The following ZMYM2 variants were observed in gnomAD, a reference collection of about 807,000 sequenced individuals.
ZMYM2 encodes zinc finger MYM-type protein 2.
Under a neutral mutation model 162.8 loss-of-function variants are expected in ZMYM2, and 56 were observed. The ratio of observed to expected loss-of-function variants is 0.34; its 90% CI spans 0.28 to 0.43. ZMYM2 has a LOEUF of 0.43. Ranked by LOEUF, ZMYM2 falls within the 20% of genes least tolerant of loss-of-function variation. The pLI, the probability that ZMYM2 is intolerant of heterozygous loss-of-function variation, is 1.00. For synonymous variants in ZMYM2, 510 were observed against 541.6 expected (o/e 0.94, Z 0.81); for missense variants, 1,275 against 1,621.8 (o/e 0.79, Z 3.67).
At chr13:20,051,335 A>G (rs1291127717) in intron 12 of ZMYM2, 98 bp from the exon 13 acceptor site, 2 of 1,187,162 alleles carry the variant, frequency 1.7e-6, no homozygotes, top group African/African-American at 3.2e-5. Flanking sequence ...TTTCTGTATC[A>G]GTCACGGTTT....
intron 2 of ZMYM2, among the ~76,000 whole-genome samples, chr13:19,975,158 T>C (rs902914226): frequency 1.5e-5 from 2 of 133,040 alleles, no homozygotes; most frequent in Admixed American, 1.7e-4. Flanking sequence ...TTTTCCCCCA[T>C]ATGGTGTCTT....
chr13:20,074,435 C>A (rs1388267410), intron 21 of ZMYM2, among the ~76,000 whole-genome samples: 1 of 152,028 alleles, frequency 6.6e-6, no homozygotes, highest in African/African-American at 2.4e-5. Context: ...GGGGTTTCGC[C>A]ATGTTGACCA....
chr13:19,951,921 G>A, the ZMYM2 span, among the ~76,000 whole-genome samples: 7 of 152,018 alleles, frequency 4.6e-5, no homozygotes, highest in Non-Finnish European at 7.4e-5. Flanking sequence ...GTTCCTTCAG[G>A]TGGTGCCTAC....
At chr13:19,986,495 G>A (rs903204483) in intron 2 of ZMYM2, among the ~76,000 whole-genome samples, 29 of 151,894 alleles carry the variant, frequency 1.9e-4, no homozygotes, top group Admixed American at 1.7e-3. Flanking sequence ...CCTTAATAAG[G>A]AAAGCTTGTT....
Position 19,993,929 on chromosome 13 carries a change from A to G in ZMYM2, c.847+10A>G, listed in dbSNP as rs1158728128. On this transcript the variant is annotated intron_variant, in intron 3 of 24. Transcript: ENST00000610343. ...ACTCATCATAATCCTGGTAAGCAGTAAGAGATACTCTACTTCATGTAAATG... is the reference window on the plus strand; with the variant it reads ...ACTCATCATAATCCTGGTAAGCAGTGAGAGATACTCTACTTCATGTAAATG... The G allele has an allele frequency of 6.3e-7, 1 of 1,599,904 alleles. No individual in the cohort carries two copies. The highest frequency in any genetic ancestry group is 1.8e-5 in the Admixed American group (1 of 56,878).
At chr13:20,058,450 A>G (rs1456699755) in intron 14 of ZMYM2, 125 bp from the exon 15 acceptor site, 4 of 1,141,250 alleles carry the variant, frequency 3.5e-6, no homozygotes, top group Middle Eastern at 2.3e-4. Context: ...GGATAATAGC[A>G]TAATTTGGTT....
the ZMYM2 span, among the ~76,000 whole-genome samples, chr13:19,887,584 G>A: frequency 2.0e-5 from 3 of 150,884 alleles, no homozygotes. Flanking sequence ...TTTATTTGTT[G>A]GAATACTTAT....
chr13:20,001,320 A>C lies in ZMYM2; in HGVS notation c.848-1530A>C, dbSNP rs978779718. On this transcript the variant is annotated intron_variant, in intron 3 of 24. Coordinates refer to ENST00000610343, the MANE Select transcript of ZMYM2 (RefSeq NM_197968.4). The stretch of plus-strand genomic sequence containing the variant: ...GGCATGAGAATTGCTTGATCCCAGG[A>C]GGTAGAGGTTGCAGTGGGCTAAGAC... Among the ~76,000 whole-genome samples the C allele has an allele frequency of 8.7e-5, 13 of 149,454 alleles. 1 individual carries two copies. The highest frequency in any genetic ancestry group is 8.1e-4 in the Admixed American group (12 of 14,902).
chr13:20,015,695 C>T (rs949103451), intron 6 of ZMYM2, among the ~76,000 whole-genome samples: 2 of 151,940 alleles, frequency 1.3e-5, no homozygotes, highest in African/African-American at 2.4e-5. Flanking sequence ...TTTGTTATAT[C>T]TTCTTGGTAA....
chr13:20,020,697 T>C (rs1479311570), intron 7 of ZMYM2, among the ~76,000 whole-genome samples: 1 of 152,130 alleles, frequency 6.6e-6, no homozygotes, highest in East Asian at 1.9e-4. Context: ...TTTTGCATTG[T>C]GGTTTGTATT....
the ZMYM2 span, among the ~76,000 whole-genome samples, chr13:19,943,119 T>G: frequency 6.6e-6 from 1 of 152,180 alleles, no homozygotes; most frequent in African/African-American, 2.4e-5. Context: ...TGTTTTTTGC[T>G]GGCAATCCTT....
At chr13:19,906,530 A>G in the ZMYM2 span, among the ~76,000 whole-genome samples, 1 of 13,790 alleles carries the variant, frequency 7.3e-5, no homozygotes, top group South Asian at 4.8e-3. Flanking sequence ...ACACATATAT[A>G]TATATATATT....
At chr13:20,043,314 G>A (rs1566378154) in intron 12 of ZMYM2, among the ~76,000 whole-genome samples, 1 of 152,202 alleles carries the variant, frequency 6.6e-6, no homozygotes, top group Non-Finnish European at 1.5e-5. Flanking sequence ...GTGACAGCAG[G>A]ATCCATCCTC....
At chr13:20,078,289 T>C (rs2141006339) in intron 21 of ZMYM2, among the ~76,000 whole-genome samples, 1 of 150,574 alleles carries the variant, frequency 6.6e-6, no homozygotes, top group South Asian at 2.1e-4. Context: ...TTTATTCATA[T>C]AACGTTTAAT....
chr13:20,085,640 A>T (rs1958212580), intron 24 of ZMYM2, among the ~76,000 whole-genome samples, 182 bp from the exon 25 acceptor site: 1 of 152,204 alleles, frequency 6.6e-6, no homozygotes, highest in Non-Finnish European at 1.5e-5. Flanking sequence ...ATTGTGGGAA[A>T]TAATCTCTAT....
intron 2 of ZMYM2, among the ~76,000 whole-genome samples, chr13:19,967,618 T>G (rs1263500409): frequency 2.6e-5 from 4 of 152,212 alleles, no homozygotes; most frequent in Admixed American, 2.6e-4. Context: ...AATATAACTA[T>G]TAAAAACAAT....
chr13:19,939,891 G>T, the ZMYM2 span, among the ~76,000 whole-genome samples: 6 of 152,160 alleles, frequency 3.9e-5, no homozygotes, highest in African/African-American at 1.4e-4. Flanking sequence ...GCAAATAAAG[G>T]ACTCAAGGCA....
Position 20,088,694 on chromosome 13 carries a change from TGTCA to T in ZMYM2, c.*2683_*2686del, listed in dbSNP as rs1290267203. ...GTTTTCTTTTATTAAATGGGGTTGT[TGTCA>T]GTATGTTAAACATTGAAGTAGGAGG... On this transcript the variant is annotated 3_prime_UTR_variant, in exon 25 of 25. Transcript: ENST00000610343. 1.5e-5 allele frequency: 3 copies of T among 195,600 alleles called. No homozygotes were observed. Among genetic ancestry groups the T allele is most frequent in the Non-Finnish European group, 2.1e-5 (2 of 94,066 alleles). The allele number at this position is 195,600 out of a possible 1,614,324, so 12.1% of individuals were successfully genotyped here. A position where few individuals can be genotyped will look rare whatever the true frequency, so the allele number is the denominator to read the frequency against.
intron 2 of ZMYM2, among the ~76,000 whole-genome samples, chr13:19,960,553 G>A (rs1955094061): frequency 6.6e-6 from 1 of 152,100 alleles, no homozygotes; most frequent in Non-Finnish European, 1.5e-5. Context: ...CTTAGGAAAG[G>A]GAGTCAACTC....
Sources: gnomAD v4.1 joint callset for allele counts (sites outside exome capture counted in the v4.1 genomes callset) on GRCh38, gnomAD v4.1.1 for gene constraint, MANE v1.5 for transcripts, NCBI Gene and HGNC (gene_info 2026-07-23, HGNC 2026-07-21) for gene names.